The following ZBBX variants were observed in gnomAD, a reference collection of about 807,000 sequenced individuals.
ZBBX encodes zinc finger B-box domain-containing protein 1.
Under a neutral mutation model 108.5 loss-of-function variants are expected in ZBBX, and 101 were observed. That is an observed-to-expected ratio of 0.93 (90% confidence interval 0.79 to 1.10). The LOEUF (loss-of-function observed/expected upper bound fraction) is 1.10, where lower values mean the gene tolerates loss of function less well. Among genes scored for constraint, ZBBX ranks in the 50% least tolerant of loss-of-function variants. The probability of loss-of-function intolerance (pLI) is 0.00; values close to 1 mark genes in which losing one functional copy is unlikely to be tolerated. For synonymous variants in ZBBX, 356 were observed against 323.4 expected, an observed-to-expected ratio of 1.10 and a Z score of -1.08; for missense variants, 1,009 against 941.4, an observed-to-expected ratio of 1.07 and a Z score of -0.94.
intron 1 of ZBBX, among the ~76,000 whole-genome samples, chr3:167,392,635 A>G (rs1278597347): frequency 6.6e-6 from 1 of 151,802 alleles, no homozygotes; most frequent in Admixed American, 6.6e-5. Flanking sequence ...ATTGAACCCC[A>G]TCTGCCTCCT....
At chr3:167,332,550 TA>T (rs753302448) in intron 10 of ZBBX, among the ~76,000 whole-genome samples, 2 of 152,172 alleles carry the variant, frequency 1.3e-5, no homozygotes, top group Non-Finnish European at 2.9e-5. Flanking sequence ...TAAGGCTAGT[TA>T]CTGAATCTCT....
At chr3:167,315,882 C>T (rs1735367662) in intron 14 of ZBBX, 53 bp from the exon 15 acceptor site, 2 of 1,126,056 alleles carry the variant, frequency 1.8e-6, no homozygotes, top group Non-Finnish European at 2.6e-6. Flanking sequence ...ATTTATTACA[C>T]ATTAACCAAC....
chr3:167,285,559 A>T (rs969227225), intron 19 of ZBBX, among the ~76,000 whole-genome samples: 1 of 152,150 alleles, frequency 6.6e-6, no homozygotes, highest in Non-Finnish European at 1.5e-5. Context: ...AAACTAGGTA[A>T]CTAAGAATGT....
chr3:167,229,012 G>C, the ZBBX span, among the ~76,000 whole-genome samples: 2 of 151,920 alleles, frequency 1.3e-5, no homozygotes, highest in South Asian at 4.2e-4. Context: ...TAAATCCCTA[G>C]AGGTTAGAAG....
chr3:167,360,870 C>G (rs1211942937), intron 6 of ZBBX, 147 bp from the exon 7 acceptor site: 2 of 368,394 alleles, frequency 5.4e-6, no homozygotes. Context: ...AATAGGAGAT[C>G]ATCATTAAAG....
chr3:167,300,795 T>C (rs1732522464), intron 17 of ZBBX, among the ~76,000 whole-genome samples: 1 of 151,922 alleles, frequency 6.6e-6, no homozygotes, highest in Non-Finnish European at 1.5e-5. Flanking sequence ...TTTTTGTATT[T>C]TTAATAGAGA....
chr3:167,180,928 T>A, the ZBBX span, among the ~76,000 whole-genome samples: 1 of 152,220 alleles, frequency 6.6e-6, no homozygotes, highest in African/African-American at 2.4e-5. Context: ...TTTACCTGAT[T>A]TTTTTCTTAA....
At chr3:167,253,776 A>C (rs1392671566) in intron 20 of ZBBX, among the ~76,000 whole-genome samples, 1 of 152,216 alleles carries the variant, frequency 6.6e-6, no homozygotes, top group Non-Finnish European at 1.5e-5. Context: ...GAAATGACAC[A>C]ACTAGATATA....
chr3:167,276,770 G>A (rs1237437937), intron 20 of ZBBX, among the ~76,000 whole-genome samples: 1 of 152,044 alleles, frequency 6.6e-6, no homozygotes. Context: ...CTCGAGAAGA[G>A]CAACTCCAAG....
At chr3:167,392,209 C>G (rs1239132514) in intron 1 of ZBBX, among the ~76,000 whole-genome samples, 1 of 151,654 alleles carries the variant, frequency 6.6e-6, no homozygotes, top group Non-Finnish European at 1.5e-5. Flanking sequence ...TGTGATTTAC[C>G]CATGTTAATA....
chr3:167,284,667 G>A (rs886481635), intron 19 of ZBBX, among the ~76,000 whole-genome samples: 10 of 152,068 alleles, frequency 6.6e-5, no homozygotes, highest in African/African-American at 2.4e-4. Context: ...TCCCCATTGA[G>A]AAAAAGTACA....
intron 2 of ZBBX, among the ~76,000 whole-genome samples, chr3:167,379,208 A>G (rs1397164437): frequency 6.6e-6 from 1 of 152,202 alleles, no homozygotes; most frequent in African/African-American, 2.4e-5. Flanking sequence ...AGCAATCAAC[A>G]AATATACATT....
In ZBBX at chr3:167,240,768, G is replaced by C. The variant is rs573113265; in HGVS notation, c.*25C>G. The C allele has an allele frequency of 6.2e-7, 1 of 1,606,250 alleles. No homozygotes were observed. The highest frequency in any genetic ancestry group is 2.2e-5 in the East Asian group (1 of 44,580). On this transcript the variant is annotated 3_prime_UTR_variant, in exon 22 of 22. Coordinates refer to ENST00000675490, the MANE Select transcript of ZBBX (RefSeq NM_001199201.2). ...GTTTGCTTTACTCTGGGTACAAAAT[G>C]GAAACAGTAATGAACAAATAATCTT...
At chr3:167,343,598 C>T (rs59283350) in intron 9 of ZBBX, among the ~76,000 whole-genome samples, 1,933 of 151,952 alleles carry the variant, frequency 0.013, 48 homozygotes, top group African/African-American at 0.044. Flanking sequence ...GGAAGATATA[C>T]AAATGGCCAC....
At position 167,403,248 on chromosome 3, in the gene ZBBX, A is replaced by G. The variant is rs151237019; in HGVS notation, c.-446+4478T>C. On this transcript the variant is annotated intron_variant, in intron 1 of 21. Coordinates refer to the ZBBX transcript ENST00000455345. ...AGTAACAATCTCATTAACCCAACGCATTGACATTTTAAAGTGCTAAAAGAA... is the reference window on the plus strand; with the variant it reads ...AGTAACAATCTCATTAACCCAACGCGTTGACATTTTAAAGTGCTAAAAGAA... Among the ~76,000 whole-genome samples, 1,492 of 152,262 alleles carry G rather than the reference A, an allele frequency of 9.8e-3. 22 individuals carry two copies. Among genetic ancestry groups the G allele is most frequent in the African/African-American group, 0.034 (1,429 of 41,564 alleles).
the ZBBX span, among the ~76,000 whole-genome samples, chr3:167,195,095 T>C: frequency 6.6e-6 from 1 of 152,182 alleles, no homozygotes; most frequent in Non-Finnish European, 1.5e-5. Flanking sequence ...ATTCCATGTT[T>C]TACCCCAAGG....
intron 1 of ZBBX, among the ~76,000 whole-genome samples, chr3:167,397,806 TA>T (rs1034720213): frequency 7.6e-4 from 85 of 112,520 alleles, no homozygotes; most frequent in African/African-American, 1.7e-3. Context: ...TTTGGAGAAA[TA>T]AAAAAAAAAA....
chr3:167,250,862 T>C (rs1722469440), intron 20 of ZBBX, among the ~76,000 whole-genome samples: 1 of 152,096 alleles, frequency 6.6e-6, no homozygotes, highest in African/African-American at 2.4e-5. Context: ...TGCCCAAATG[T>C]TGCATTTTCC....
intron 10 of ZBBX, 123 bp from the exon 11 acceptor site, chr3:167,328,239 T>C: frequency 1.0e-6 from 1 of 958,288 alleles, no homozygotes; most frequent in Non-Finnish European, 1.5e-6. Flanking sequence ...TCATCACAAA[T>C]CAGACTTTTT....
Sources: gnomAD v4.1 joint callset for allele counts (sites outside exome capture counted in the v4.1 genomes callset) on GRCh38, gnomAD v4.1.1 for gene constraint, MANE v1.5 for transcripts, NCBI Gene and HGNC (gene_info 2026-07-23, HGNC 2026-07-21) for gene names.